Variants in DAGLA observed in about 807,000 individuals in gnomAD.
The protein encoded by DAGLA is diacylglycerol lipase alpha, also known as diacylglycerol lipase-alpha.
Under a neutral mutation model 102.6 loss-of-function variants are expected in DAGLA, and 22 were observed. The ratio of observed to expected loss-of-function variants is 0.21; its 90% CI spans 0.15 to 0.31. The LOEUF is 0.31. Among genes scored for constraint, DAGLA ranks in the 10% least tolerant of loss-of-function variants. The pLI is 1.00. For missense variants in DAGLA, 927 were observed against 1,446.6 expected (o/e 0.64, Z 5.83); for synonymous variants, 578 against 628.9 (o/e 0.92, Z 1.21).
At chr11:61,719,771 G>A (rs1370593972) in intron 1 of DAGLA, among the ~76,000 whole-genome samples, 1 of 152,186 alleles carries the variant, frequency 6.6e-6, no homozygotes, top group Non-Finnish European at 1.5e-5. Flanking sequence ...TTGAGGGCTG[G>A]GCTGAGGGTC....
intron 1 of DAGLA, among the ~76,000 whole-genome samples, chr11:61,719,828 C>G (rs966949107): frequency 6.6e-6 from 1 of 152,102 alleles, no homozygotes; most frequent in East Asian, 1.9e-4. Context: ...TAGAGCTCAA[C>G]AGTGACTGCT....
chr11:61,697,291 C>T (rs2065074406), intron 1 of DAGLA, among the ~76,000 whole-genome samples: 1 of 152,172 alleles, frequency 6.6e-6, no homozygotes, highest in Non-Finnish European at 1.5e-5. Context: ...TGAGCTTGGC[C>T]CGCTGCTGTG....
Position 61,739,495 on chromosome 11 carries a change from A to T in DAGLA, c.1687A>T (p.Ile563Phe). ...WRIIVGATKCIPKSELPEEVE... is the reference protein window; with the variant it reads ...WRIIVGATKCFPKSELPEEVE... ...GATCATCGTGGGGGCCACCAAATGC[A>T]TCCCCAAGTCGGAGCTGCCTGAGGA... The change falls in exon 17 of 20, where the codon ATC (isoleucine) becomes TTC (phenylalanine). Residue 563 changes from isoleucine (I) to phenylalanine (F), a missense_variant. Around this residue, in one of 4 missense-constraint regions of DAGLA, gnomAD observed 218 missense variants for 459.6 expected, o/e 0.47. Transcript: ENST00000257215. 1 of 1,613,676 alleles carries T rather than the reference A, an allele frequency of 6.2e-7. No individual in the cohort carries two copies. The highest frequency in any genetic ancestry group is 8.5e-7 in the Non-Finnish European group (1 of 1,179,980).
At chr11:61,723,194 A>G (rs1475087403) in intron 4 of DAGLA, among the ~76,000 whole-genome samples, 1 of 151,974 alleles carries the variant, frequency 6.6e-6, no homozygotes, top group Admixed American at 6.5e-5. Flanking sequence ...GCTCCTCAGC[A>G]CCTCCTTGGA....
Position 61,723,523 on chromosome 11 carries a change from C to T in DAGLA, c.499C>T (p.Leu167=). ...CCCCACGGGCCGCACCTTTGTCAAG[C>T]TGAGAGCCACCAAGAGGAGGCAGCG... ...FDPTGRTFVK[L]RATKRRQRNL... Residue 167 remains leucine, a synonymous_variant, in exon 5 of 20, where the codon CTG becomes TTG. Transcript: ENST00000257215. 1 of 1,614,132 alleles carries T rather than the reference C, an allele frequency of 6.2e-7. No individual in the cohort carries two copies. The highest frequency in any genetic ancestry group is 1.1e-5 in the South Asian group (1 of 91,066).
At chr11:61,720,507 C>T (rs546041476) in intron 2 of DAGLA, among the ~76,000 whole-genome samples, 172 bp from the exon 3 acceptor site, 25 of 152,310 alleles carry the variant, frequency 1.6e-4, no homozygotes, top group Non-Finnish European at 2.6e-4. Flanking sequence ...TTTTACTGGC[C>T]GCCCATGCCC....
At chr11:61,687,580 C>T (rs567667199) in intron 1 of DAGLA, among the ~76,000 whole-genome samples, 2 of 152,274 alleles carry the variant, frequency 1.3e-5, no homozygotes, top group Non-Finnish European at 2.9e-5. Context: ...CCACCCGCCT[C>T]GCTCGGCCTC....
At chr11:61,704,652 A>G (rs1255401120) in intron 1 of DAGLA, among the ~76,000 whole-genome samples, 1 of 152,144 alleles carries the variant, frequency 6.6e-6, no homozygotes, top group East Asian at 1.9e-4. Context: ...ACAGGAAGGC[A>G]GGAGATGTTC....
intron 1 of DAGLA, among the ~76,000 whole-genome samples, chr11:61,713,270 C>T (rs1302822281): frequency 1.3e-5 from 2 of 152,162 alleles, no homozygotes; most frequent in Admixed American, 6.5e-5. Context: ...TCAGAAACAG[C>T]ATGCAGAGGT....
At chr11:61,741,372 C>A (rs578242997) in intron 19 of DAGLA, 23 bp downstream of exon 19, 2 of 1,596,418 alleles carry the variant, frequency 1.3e-6, no homozygotes, top group South Asian at 1.1e-5. Flanking sequence ...CACTCCCAGC[C>A]CCACCCCAGG....
intron 1 of DAGLA, among the ~76,000 whole-genome samples, chr11:61,710,728 C>T (rs191157581): frequency 5.3e-5 from 8 of 152,232 alleles, no homozygotes; most frequent in Non-Finnish European, 1.2e-4. Context: ...ACTTAGATCG[C>T]GGAGAGTTAT....
chr11:61,720,035 C>T (rs2065268710), intron 1 of DAGLA, 77 bp from the exon 2 acceptor site: 13 of 992,114 alleles, frequency 1.3e-5, no homozygotes, highest in Middle Eastern at 3.0e-4. Flanking sequence ...GGGACTGGTC[C>T]CGTGGCCCAA....
At chr11:61,728,814 C>T (rs1052537659) in intron 7 of DAGLA, 117 bp from the exon 8 acceptor site, 9 of 814,270 alleles carry the variant, frequency 1.1e-5, no homozygotes, top group South Asian at 3.1e-5. Flanking sequence ...GCTGCATGCT[C>T]GTTTGGGCTT....
chr11:61,708,034 GTCTTGCTCTAT>G (rs2065164110), intron 1 of DAGLA, among the ~76,000 whole-genome samples: 1 of 152,090 alleles, frequency 6.6e-6, no homozygotes, highest in Non-Finnish European at 1.5e-5. Context: ...TTGAGACTGA[GTCTTGCTCTAT>G]TGCCCAGGCT....
Position 61,744,141 on chromosome 11 carries a change from C to T in DAGLA, c.2781C>T (p.Ser927=). 1.2e-6 allele frequency: 2 copies of T among 1,613,082 alleles called. No homozygotes were observed. Among genetic ancestry groups the T allele is most frequent in the Non-Finnish European group, 1.7e-6 (2 of 1,179,980 alleles). The change falls in exon 20 of 20, where the codon AGC becomes AGT. Residue 927 remains serine (S), a synonymous_variant. Transcript: ENST00000257215. ...GCCTCTTCAACCTGGACAGCAAGAG[C>T]AGCTCCTTCCAAGACCTCTACTGCA... ...IDSLFNLDSK[S]SSFQDLYCMV...
chr11:61,701,084 A>G (rs764417062), intron 1 of DAGLA, among the ~76,000 whole-genome samples: 2 of 152,130 alleles, frequency 1.3e-5, no homozygotes, highest in African/African-American at 4.8e-5. Flanking sequence ...ACTTGCCCAC[A>G]CCTCTTGAAT....
At chr11:61,685,953 C>T (rs560729028) in intron 1 of DAGLA, among the ~76,000 whole-genome samples, 2 of 152,118 alleles carry the variant, frequency 1.3e-5, no homozygotes, top group Non-Finnish European at 2.9e-5. Context: ...GCCATGATGG[C>T]AGGGCTGAAG....
At position 61,720,779 on chromosome 11, in the gene DAGLA, C is replaced by T; in HGVS notation, c.196C>T (p.Leu66=). The change falls in exon 3 of 20, where the codon CTG becomes TTG. Residue 66 remains leucine (L), a synonymous_variant. Coordinates refer to ENST00000257215, the MANE Select transcript of DAGLA (RefSeq NM_006133.3). ...VDHGRGYLGI[L]LSCMIAEMAI... The stretch of plus-strand genomic sequence containing the variant: ...CCACGGCCGCGGCTACCTGGGCATC[C>T]TGCTGAGCTGCATGATCGCTGAGAT... 1.2e-6 allele frequency: 2 copies of T among 1,613,930 alleles called. No individual in the cohort carries two copies. The highest frequency in any genetic ancestry group is 1.7e-6 in the Non-Finnish European group (2 of 1,180,042).
chr11:61,691,988 A>G (rs923982657), intron 1 of DAGLA, among the ~76,000 whole-genome samples: 16 of 152,200 alleles, frequency 1.1e-4, no homozygotes, highest in Non-Finnish European at 2.1e-4. Context: ...GAGCTTGCCA[A>G]CGCAGATTCC....
Sources: gnomAD v4.1 joint callset for allele counts (sites outside exome capture counted in the v4.1 genomes callset) on GRCh38, gnomAD v4.1.1 for gene constraint, gnomAD v4.1.1 regional missense constraint, MANE v1.5 for transcripts, NCBI Gene and HGNC (gene_info 2026-07-23, HGNC 2026-07-21) for gene names.